The following CLVS2 variants were observed in gnomAD, a reference collection of about 807,000 sequenced individuals.
CLVS2 encodes the protein clavesin 2.
CLVS2 carries 19 observed loss-of-function variants against 29.0 expected under a neutral mutation model. The observed-to-expected ratio is 0.66, with a 90% CI of 0.46 to 0.96. CLVS2 has a LOEUF of 0.96. Ranked by LOEUF, CLVS2 falls within the 40% of genes least tolerant of loss-of-function variation. The pLI is 0.00. For synonymous variants in CLVS2, 161 were observed against 151.3 expected (o/e 1.06, Z -0.47); for missense variants, 294 against 404.1 (o/e 0.73, Z 2.34).
intron 5 of CLVS2, among the ~76,000 whole-genome samples, chr6:123,058,270 A>G (rs1772724094): frequency 6.6e-6 from 1 of 152,122 alleles, no homozygotes; most frequent in Admixed American, 6.5e-5. Flanking sequence ...GGAGTCTTTC[A>G]CACCACTGAC....
chr6:123,003,986 A>G (rs1022679462), intron 2 of CLVS2, among the ~76,000 whole-genome samples: 9 of 152,192 alleles, frequency 5.9e-5, no homozygotes, highest in Non-Finnish European at 8.8e-5. Context: ...ACAGTTACCA[A>G]CCTAAATCTA....
intron 3 of CLVS2, 35 bp downstream of exon 3, chr6:123,011,194 T>C: frequency 1.4e-6 from 2 of 1,452,408 alleles, no homozygotes; most frequent in Admixed American, 2.1e-5. Context: ...CCTTGGTCTC[T>C]TGTGTTTGAC....
intron 5 of CLVS2, among the ~76,000 whole-genome samples, chr6:123,058,166 A>T (rs528627666): frequency 5.3e-5 from 8 of 152,254 alleles, no homozygotes; most frequent in Non-Finnish European, 1.2e-4. Flanking sequence ...ATTAATTTAT[A>T]AATCCTCACA....
chr6:123,028,771 T>C (rs925185998), intron 3 of CLVS2, among the ~76,000 whole-genome samples: 1 of 152,180 alleles, frequency 6.6e-6, no homozygotes, highest in Non-Finnish European at 1.5e-5. Flanking sequence ...TCTCCAAATG[T>C]TTGTGACCTG....
At chr6:123,039,631 C>T (rs1775200544) in intron 3 of CLVS2, among the ~76,000 whole-genome samples, 1 of 152,010 alleles carries the variant, frequency 6.6e-6, no homozygotes, top group Non-Finnish European at 1.5e-5. Context: ...TTAAACAAGC[C>T]CTGTGTCTTC....
At chr6:123,039,072 A>G (rs139276212) in intron 3 of CLVS2, among the ~76,000 whole-genome samples, 3 of 152,140 alleles carry the variant, frequency 2.0e-5, no homozygotes, top group African/African-American at 4.8e-5. Context: ...CTAGTTTCAC[A>G]TGCCTGATGT....
chr6:123,045,969 G>C (rs1332412458), intron 3 of CLVS2, among the ~76,000 whole-genome samples: 1 of 152,152 alleles, frequency 6.6e-6, no homozygotes, highest in African/African-American at 2.4e-5. Flanking sequence ...GTGTGTGGGA[G>C]AGAACAGTTA....
intron 3 of CLVS2, among the ~76,000 whole-genome samples, chr6:123,014,403 A>G (rs1277572633): frequency 2.0e-5 from 3 of 152,090 alleles, no homozygotes; most frequent in Non-Finnish European, 4.4e-5. Flanking sequence ...ATAAAGATAC[A>G]TGAACCATTA....
intron 4 of CLVS2, among the ~76,000 whole-genome samples, chr6:123,049,384 C>T (rs917591330): frequency 6.6e-6 from 1 of 152,016 alleles, no homozygotes; most frequent in African/African-American, 2.4e-5. Context: ...ATACTGAACA[C>T]ATTATTTTTA....
intron 4 of CLVS2, among the ~76,000 whole-genome samples, chr6:123,049,119 C>A (rs931165232): frequency 6.6e-6 from 1 of 152,088 alleles, no homozygotes; most frequent in African/African-American, 2.4e-5. Context: ...ACAGTATGTA[C>A]CGCAATGAAT....
At chr6:122,998,359 C>T (rs1039908407) in intron 2 of CLVS2, among the ~76,000 whole-genome samples, 193 bp downstream of exon 2, 25 of 152,178 alleles carry the variant, frequency 1.6e-4, no homozygotes, top group African/African-American at 6.0e-4. Context: ...ACTTTTAAAA[C>T]TTACTTCACT....
intron 3 of CLVS2, among the ~76,000 whole-genome samples, chr6:123,025,692 A>G (rs1410152559): frequency 1.3e-5 from 2 of 152,188 alleles, no homozygotes; most frequent in Non-Finnish European, 2.9e-5. Flanking sequence ...CCCAGGGAAC[A>G]TAAGTAAACA....
At chr6:123,039,073 T>C (rs1441479803) in intron 3 of CLVS2, among the ~76,000 whole-genome samples, 1 of 152,216 alleles carries the variant, frequency 6.6e-6, no homozygotes, top group African/African-American at 2.4e-5. Context: ...TAGTTTCACA[T>C]GCCTGATGTA....
At chr6:123,010,295 G>C (rs1185499312) in intron 2 of CLVS2, among the ~76,000 whole-genome samples, 1 of 151,958 alleles carries the variant, frequency 6.6e-6, no homozygotes, top group Non-Finnish European at 1.5e-5. Context: ...GTAATATAAA[G>C]AGCATTTATT....
chr6:123,006,820 A>G (rs1774675936), intron 2 of CLVS2, among the ~76,000 whole-genome samples: 1 of 151,904 alleles, frequency 6.6e-6, no homozygotes. Context: ...TCACCAATGT[A>G]TTGGCCAAGG....
intron 3 of CLVS2, among the ~76,000 whole-genome samples, chr6:123,036,260 A>G (rs1162889060): frequency 6.6e-6 from 1 of 152,192 alleles, no homozygotes; most frequent in Non-Finnish European, 1.5e-5. Context: ...ACTTCTAGAG[A>G]ATAGCTTTGG....
chr6:123,025,779 T>G (rs1442572606), intron 3 of CLVS2, among the ~76,000 whole-genome samples: 1 of 152,134 alleles, frequency 6.6e-6, no homozygotes, highest in Non-Finnish European at 1.5e-5. Context: ...AGAGACCACC[T>G]CAACTCCAGA....
chr6:123,000,280 A>C (rs1774572964), intron 2 of CLVS2, among the ~76,000 whole-genome samples: 1 of 152,192 alleles, frequency 6.6e-6, no homozygotes, highest in Non-Finnish European at 1.5e-5. Flanking sequence ...TTTAGAGCTT[A>C]GTCAAAATTT....
chr6:123,065,877 C>T lies in CLVS2; in HGVS notation c.*2116C>T, dbSNP rs984998057. 5 of 151,626 alleles carry T rather than the reference C, an allele frequency of 3.3e-5. No individual in the cohort carries two copies. The highest frequency in any genetic ancestry group is 1.9e-4 in the East Asian group (1 of 5,178). The allele number at this position is 151,626 out of a possible 1,614,324, so 9.4% of individuals were successfully genotyped here. On this transcript the variant is annotated 3_prime_UTR_variant, in exon 6 of 6. Transcript: ENST00000275162. The stretch of plus-strand genomic sequence containing the variant: ...AGCATTGGCAGCTTCTTTCCCCTAT[C>T]GTAAAGTTAGTGTCATATATAAAAA...
Sources: gnomAD v4.1 joint callset for allele counts (sites outside exome capture counted in the v4.1 genomes callset) on GRCh38, gnomAD v4.1.1 for gene constraint, MANE v1.5 for transcripts, NCBI Gene and HGNC (gene_info 2026-07-23, HGNC 2026-07-21) for gene names.